SPEF2: variants seen among roughly 807,000 people sequenced by gnomAD.
SPEF2 encodes the protein sperm flagella and cilia-associated protein 2.
In SPEF2, 187 loss-of-function variants were observed where a neutral mutation model predicts 224.6. The observed-to-expected ratio is 0.83, with a 90% CI of 0.74 to 0.94. The LOEUF is 0.94. Ranked by LOEUF, SPEF2 falls within the 40% of genes least tolerant of loss-of-function variation. The pLI, the probability that SPEF2 is intolerant of heterozygous loss-of-function variation, is 0.00. For synonymous variants in SPEF2, 715 were observed against 707.3 expected, an observed-to-expected ratio of 1.01 and a Z score of -0.17; for missense variants, 2,170 against 2,135.6, an observed-to-expected ratio of 1.02 and a Z score of -0.32.
chr5:35,808,083 C>T (rs1343689641), intron 36 of SPEF2: 6 of 1,029,432 alleles, frequency 5.8e-6, no homozygotes, highest in Non-Finnish European at 5.8e-6. Flanking sequence ...TAGCAAGTTA[C>T]ATTTTGCAGT....
At position 35,800,061 on chromosome 5, in the gene SPEF2, G is replaced by A. The variant is rs748939636; in HGVS notation, c.4924G>A (p.Val1642Met). ...LLYFACHPDT[V>M]EGVYRALSVA... ...TTACTTTGCTTGCCACCCAGACACC[G>A]TGGAAGGAGTCTACAGGGCCCTCAG... is the stretch of plus-strand genomic sequence containing the variant. Residue 1642 changes from valine to methionine, a missense_variant, in exon 34 of 37, where the codon GTG becomes ATG. Val to Met is a conservative substitution (Grantham distance 21). Coordinates refer to ENST00000356031, the MANE Select transcript of SPEF2 (RefSeq NM_024867.4). 29 of 1,613,942 alleles carry A rather than the reference G, an allele frequency of 1.8e-5. No homozygotes were observed. The highest frequency in any genetic ancestry group is 3.3e-5 in the Admixed American group (2 of 59,996).
At chr5:35,654,989 G>A (rs1288170472) in intron 7 of SPEF2, among the ~76,000 whole-genome samples, 2 of 152,250 alleles carry the variant, frequency 1.3e-5, no homozygotes, top group Middle Eastern at 3.4e-3. Context: ...TTTATGTTAT[G>A]TATATTTTAC....
In SPEF2 at chr5:35,743,307, T is replaced by C. The variant is rs143412135; in HGVS notation, c.3330+3040T>C. The stretch of plus-strand genomic sequence containing the variant: ...ATTTAAAATTTGGAAATAAAACATA[T>C]TAAACTTAAAATTCAATCCAGGCAA... On this transcript the variant is annotated intron_variant, in intron 23 of 36. Coordinates refer to ENST00000356031, the MANE Select transcript of SPEF2 (RefSeq NM_024867.4). 6.0e-3 allele frequency among the ~76,000 whole-genome samples: 906 copies of C among 152,086 alleles called. 3 individuals carry two copies. The highest frequency in any genetic ancestry group is 0.01 in the Non-Finnish European group (681 of 67,942).
intron 36 of SPEF2, chr5:35,807,490 A>C: frequency 1.1e-6 from 1 of 894,930 alleles, no homozygotes. Flanking sequence ...GGTGGGTGAC[A>C]GTGTTAGGAT....
intron 26 of SPEF2, chr5:35,764,763 T>A: frequency 2.2e-6 from 1 of 455,444 alleles, no homozygotes; most frequent in Non-Finnish European, 4.4e-6. Flanking sequence ...GGCTTCTTTT[T>A]CTCTGACCTT....
At chr5:35,759,541 T>C in intron 24 of SPEF2, 27 bp from the exon 25 acceptor site, 1 of 1,535,862 alleles carries the variant, frequency 6.5e-7, no homozygotes, top group African/African-American at 1.4e-5. Context: ...CTTTCTTGGA[T>C]ATTAACATTC....
At chr5:35,695,681 G>T in intron 13 of SPEF2, 54 bp from the exon 14 acceptor site, 1 of 1,418,544 alleles carries the variant, frequency 7.0e-7, no homozygotes, top group Non-Finnish European at 9.8e-7. Flanking sequence ...ATACTGCTTT[G>T]GTTGTTAGGT....
At chr5:35,740,749 G>A (rs1747472958) in intron 23 of SPEF2, among the ~76,000 whole-genome samples, 1 of 152,102 alleles carries the variant, frequency 6.6e-6, no homozygotes, top group African/African-American at 2.4e-5. Context: ...ATTCCTGGTA[G>A]TGCCCCAGCA....
intron 2 of SPEF2, among the ~76,000 whole-genome samples, chr5:35,630,035 A>G (rs570810495): frequency 6.6e-6 from 1 of 152,302 alleles, no homozygotes; most frequent in East Asian, 1.9e-4. Context: ...TAGGGCAGTC[A>G]TTAAACTTTA....
Position 35,617,984 on chromosome 5 carries a change from G to C in SPEF2, c.-14G>C. 1.3e-6 allele frequency: 2 copies of C among 1,572,562 alleles called. No homozygotes were observed. The highest frequency in any genetic ancestry group is 1.7e-6 in the Non-Finnish European group (2 of 1,156,374). On this transcript the variant is annotated 5_prime_UTR_variant, in exon 1 of 37. Coordinates refer to ENST00000356031, the MANE Select transcript of SPEF2 (RefSeq NM_024867.4). Reference sequence around the variant, plus strand: ...TCTAAGCCCCCGCCTGCGGTCTGAGGCACCGGCTGAACCATGTCGGAGATC... The same window carrying C: ...TCTAAGCCCCCGCCTGCGGTCTGAGCCACCGGCTGAACCATGTCGGAGATC...
intron 19 of SPEF2, chr5:35,710,867 C>T: frequency 1.0e-6 from 1 of 985,256 alleles, no homozygotes; most frequent in Non-Finnish European, 1.2e-6. Flanking sequence ...TTGTACTTGT[C>T]TTTTTTTCCC....
At chr5:35,629,034 A>AT (rs1744684698) in intron 2 of SPEF2, among the ~76,000 whole-genome samples, 1 of 151,468 alleles carries the variant, frequency 6.6e-6, no homozygotes, top group Non-Finnish European at 1.5e-5. Flanking sequence ...TTGCACATAC[A>AT]TTTTTTATTG....
chr5:35,629,544 A>C (rs1239274583), intron 2 of SPEF2, among the ~76,000 whole-genome samples: 4 of 152,176 alleles, frequency 2.6e-5, no homozygotes, highest in Admixed American at 2.6e-4. Flanking sequence ...AAAAATATAA[A>C]ATAGAACTTA....
chr5:35,617,919 C>CAGT lies in SPEF2; in HGVS notation c.-77_-76insTAG. 7.0e-7 allele frequency: 1 copy of CAGT among 1,426,836 alleles called. No homozygotes were observed. The highest frequency in any genetic ancestry group is 9.7e-7 in the Non-Finnish European group (1 of 1,032,800). The allele number at this position is 1,426,836 out of a possible 1,614,324, so 88.4% of individuals were successfully genotyped here. A position where few individuals can be genotyped will look rare whatever the true frequency, so the allele number is the denominator to read the frequency against. On this transcript the variant is annotated 5_prime_UTR_variant, in exon 1 of 37. Transcript: ENST00000356031. ...CATAGCAAAGGGTTGCCCTTGGCTACAGGAGGACGCGGGCTGGCAGGCTTG... is the reference window on the plus strand; with the variant it reads ...CATAGCAAAGGGTTGCCCTTGGCTACAGTAGGAGGACGCGGGCTGGCAGGCTTG...
At chr5:35,787,860 T>G in intron 30 of SPEF2, 3 of 559,158 alleles carry the variant, frequency 5.4e-6, no homozygotes, top group Non-Finnish European at 9.5e-6. Context: ...TGGAGTTATT[T>G]TAAAGGCAGG....
intron 10 of SPEF2, among the ~76,000 whole-genome samples, chr5:35,673,047 A>T (rs1751404255): frequency 6.6e-6 from 1 of 152,232 alleles, no homozygotes; most frequent in East Asian, 1.9e-4. Context: ...GCTCTACCCC[A>T]GTGGCTAGAA....
At chr5:35,670,504 G>A in intron 10 of SPEF2, 1 of 1,059,914 alleles carries the variant, frequency 9.4e-7, no homozygotes, top group African/African-American at 1.7e-5. Context: ...TTTTTAAAAT[G>A]CTTTAATTTA....
At chr5:35,706,063 GA>G (rs1230845709) in intron 18 of SPEF2, among the ~76,000 whole-genome samples, 1 of 148,820 alleles carries the variant, frequency 6.7e-6, no homozygotes, top group African/African-American at 2.5e-5. Flanking sequence ...AAAAAAACAA[GA>G]AAAAAACCCA....
rs1580401985 is a variant in SPEF2 at position 35,712,865 on chromosome 5, G to A, written c.2893G>A (p.Glu965Lys). 6.2e-7 allele frequency: 1 copy of A among 1,613,758 alleles called. No individual in the cohort carries two copies. Among genetic ancestry groups the A allele is most frequent in the East Asian group, 2.2e-5 (1 of 44,856 alleles). Residue 965 changes from glutamate (E) to lysine (K), a missense_variant, in exon 20 of 37, where the codon GAG (glutamate) becomes AAG (lysine). Transcript: ENST00000356031. ...TCAGGAAGGAAAAGGGAAGAAAGGT[G>A]AGACCGCACTCAAAAGAAAAGGTAC... ...SLQEGKGKKGETALKRKGSPK... is the reference protein window; with the variant it reads ...SLQEGKGKKGKTALKRKGSPK...
Sources: gnomAD v4.1 joint callset for allele counts (sites outside exome capture counted in the v4.1 genomes callset) on GRCh38, gnomAD v4.1.1 for gene constraint, MANE v1.5 for transcripts, NCBI Gene and HGNC (gene_info 2026-07-23, HGNC 2026-07-21) for gene names.